Variants in COL4A4 observed in about 807,000 individuals in gnomAD.
COL4A4 encodes collagen type IV alpha 4 chain.
In COL4A4, 105 loss-of-function variants were observed where a neutral mutation model predicts 192.9. The observed-to-expected ratio is 0.54, with a 90% CI of 0.46 to 0.64. The LOEUF (loss-of-function observed/expected upper bound fraction) is 0.64. Among genes scored for constraint, COL4A4 ranks in the 30% least tolerant of loss-of-function variants. The pLI, the probability that COL4A4 is intolerant of heterozygous loss-of-function variation, is 0.00. For missense variants in COL4A4, 1,967 were observed against 2,169.3 expected (o/e 0.91, Z 1.85); for synonymous variants, 762 against 769.9 (o/e 0.99, Z 0.17).
chr2:227,103,583 G>A (rs553365918), intron 13 of COL4A4, among the ~76,000 whole-genome samples: 1 of 152,316 alleles, frequency 6.6e-6, no homozygotes, highest in Admixed American at 6.5e-5. Flanking sequence ...TATTTGCCAA[G>A]AATCTATTAC....
chr2:227,088,567 C>A, intron 22 of COL4A4, 86 bp downstream of exon 22: 1 of 1,525,038 alleles, frequency 6.6e-7, no homozygotes, highest in Non-Finnish European at 9.1e-7. Context: ...ATTACCTAGT[C>A]TTGGGTAGTA....
In COL4A4 at chr2:227,144,496, G is replaced by C; in HGVS notation, c.114+20C>G. On this transcript the variant is annotated intron_variant, in intron 3 of 47. Transcript: ENST00000396625. Reference sequence around the variant, plus strand: ...AAAGTGAATTTTCACAACGCAACCAGAGCTAGTGAATGTACTTACCCCATA... The same window carrying C: ...AAAGTGAATTTTCACAACGCAACCACAGCTAGTGAATGTACTTACCCCATA... 6.2e-7 allele frequency: 1 copy of C among 1,601,266 alleles called. No individual in the cohort carries two copies. The highest frequency in any genetic ancestry group is 8.6e-7 in the Non-Finnish European group (1 of 1,168,746).
At chr2:227,038,804 C>G (rs1239388590) in intron 37 of COL4A4, among the ~76,000 whole-genome samples, 2 of 152,216 alleles carry the variant, frequency 1.3e-5, no homozygotes, top group Non-Finnish European at 2.9e-5. Context: ...TATTTAGTTT[C>G]TCAGTTCAAA....
chr2:227,146,187 CA>C (rs1226746451), intron 2 of COL4A4, among the ~76,000 whole-genome samples: 1 of 152,186 alleles, frequency 6.6e-6, no homozygotes, highest in Non-Finnish European at 1.5e-5. Flanking sequence ...CCGAGGGGGC[CA>C]GCTCGGGTCA....
chr2:226,988,893 G>T, the COL4A4 span, among the ~76,000 whole-genome samples: 2 of 152,188 alleles, frequency 1.3e-5, no homozygotes, highest in South Asian at 2.1e-4. Context: ...AATTCTAGAT[G>T]CATCCAGTTA....
At chr2:227,088,518 T>A in intron 22 of COL4A4, 135 bp downstream of exon 22, 1 of 1,187,622 alleles carries the variant, frequency 8.4e-7, no homozygotes, top group East Asian at 2.4e-5. Context: ...TCCCCACCCA[T>A]ACAGAACTGC....
intron 44 of COL4A4, 90 bp downstream of exon 44, chr2:227,021,958 T>A: frequency 4.8e-6 from 7 of 1,453,698 alleles, no homozygotes; most frequent in Non-Finnish European, 6.6e-6. Flanking sequence ...TAGTTTAGGC[T>A]CCATATAAAA....
chr2:226,992,666 T>C, the COL4A4 span, among the ~76,000 whole-genome samples: 1 of 152,192 alleles, frequency 6.6e-6, no homozygotes, highest in African/African-American at 2.4e-5. Context: ...GAACTTCTTA[T>C]TTTTCTGTTT....
the COL4A4 span, among the ~76,000 whole-genome samples, chr2:226,993,737 T>A: frequency 1.3e-5 from 2 of 152,108 alleles, no homozygotes; most frequent in Admixed American, 1.3e-4. Context: ...GAAGCAAAAA[T>A]ATAAAAAAGG....
chr2:227,021,219 A>G (rs1261107999), intron 44 of COL4A4, among the ~76,000 whole-genome samples: 1 of 152,140 alleles, frequency 6.6e-6, no homozygotes, highest in East Asian at 1.9e-4. Context: ...TTTCGCTTAA[A>G]TACTTGAATA....
rs1404579316 is a variant in COL4A4 at position 227,003,631 on chromosome 2, A to G, written c.*3694T>C. ...GTTCAAAATAAGATGATAAAGCCCA[A>G]TTGTAGTGCACCATTCCATTGACTA... On this transcript the variant is annotated 3_prime_UTR_variant, in exon 48 of 48. Transcript: ENST00000396625. 1 of 152,204 alleles carries G rather than the reference A, an allele frequency of 6.6e-6. No individual in the cohort carries two copies. The highest frequency in any genetic ancestry group is 2.4e-5 in the African/African-American group (1 of 41,442). The allele number at this position is 152,204 out of a possible 1,614,324, so 9.4% of individuals were successfully genotyped here.
intron 25 of COL4A4, among the ~76,000 whole-genome samples, chr2:227,075,533 T>C (rs962859151): frequency 5.3e-5 from 8 of 152,244 alleles, no homozygotes; most frequent in Admixed American, 4.6e-4. Context: ...GGCAATATCA[T>C]ACTGAATTTG....
At chr2:227,125,828 C>A (rs769435955) in intron 4 of COL4A4, among the ~76,000 whole-genome samples, 33 of 152,174 alleles carry the variant, frequency 2.2e-4, no homozygotes, top group Non-Finnish European at 4.3e-4. Flanking sequence ...CACTCTCACC[C>A]GTGACTATCA....
chr2:227,025,839 G>A (rs984281083), intron 42 of COL4A4, 29 bp from the exon 43 acceptor site: 3 of 1,609,652 alleles, frequency 1.9e-6, no homozygotes, highest in Non-Finnish European at 2.5e-6. Flanking sequence ...AACAAACGAG[G>A]CCAGTCCATG....
At chr2:227,105,948 C>T (rs954242340) in intron 12 of COL4A4, among the ~76,000 whole-genome samples, 17 of 151,820 alleles carry the variant, frequency 1.1e-4, no homozygotes, top group African/African-American at 1.2e-4. Context: ...AAATGCTTCC[C>T]GTATTGAGGG....
At chr2:226,997,036 T>A in the COL4A4 span, 1 of 152,342 alleles carries the variant, frequency 6.6e-6, no homozygotes, top group African/African-American at 2.4e-5. Flanking sequence ...ACATTGACCA[T>A]GGAGTTTTGT....
intron 4 of COL4A4, among the ~76,000 whole-genome samples, chr2:227,136,677 A>T (rs1576785808): frequency 6.6e-6 from 1 of 152,340 alleles, no homozygotes; most frequent in South Asian, 2.1e-4. Flanking sequence ...TCCTCAGCAC[A>T]GAACCAGCCT....
chr2:227,014,892 C>CTTTTTTTTTTT (rs1179125792), intron 44 of COL4A4, among the ~76,000 whole-genome samples: 1 of 106,586 alleles, frequency 9.4e-6, no homozygotes, highest in African/African-American at 3.8e-5. Flanking sequence ...CCATGCCTGG[C>CTTTTTTTTTTT]TTTTTTTTTT....
At chr2:226,975,233 G>C in the COL4A4 span, among the ~76,000 whole-genome samples, 1 of 152,098 alleles carries the variant, frequency 6.6e-6, no homozygotes, top group African/African-American at 2.4e-5. Flanking sequence ...AGGTGGAATC[G>C]ATGCCCCTGA....
Sources: allele counts gnomAD v4.1 joint callset (sites outside exome capture counted in the v4.1 genomes callset), GRCh38; gene constraint gnomAD v4.1.1; transcripts MANE v1.5; gene names NCBI Gene and HGNC (gene_info 2026-07-23, HGNC 2026-07-21).